SYN2: variants seen among roughly 807,000 people sequenced by gnomAD.
SYN2 encodes the protein synapsin II, also known as synapsin-2.
SYN2 carries 19 observed loss-of-function variants against 50.9 expected under a neutral mutation model. The observed-to-expected ratio is 0.37, with a 90% CI of 0.26 to 0.55. The LOEUF (loss-of-function observed/expected upper bound fraction) is 0.55, where lower values mean the gene tolerates loss of function less well. Ranked by LOEUF, SYN2 falls within the 20% of genes least tolerant of loss-of-function variation. The probability of loss-of-function intolerance (pLI) is 0.81; values close to 1 mark genes in which losing one functional copy is unlikely to be tolerated. For missense variants in SYN2, 587 were observed against 576.4 expected (o/e 1.02, Z -0.19); for synonymous variants, 255 against 224.9 (o/e 1.13, Z -1.20).
At chr3:12,016,880 G>A (rs1033383934) in intron 1 of SYN2, among the ~76,000 whole-genome samples, 1 of 152,046 alleles carries the variant, frequency 6.6e-6, no homozygotes, top group African/African-American at 2.4e-5. Flanking sequence ...ATGGATATAG[G>A]CTAAATCATC....
Position 12,004,501 on chromosome 3 carries a change from T to C in SYN2, c.-51T>C. The C allele has an allele frequency of 4.3e-6, 2 of 465,692 alleles. No individual in the cohort carries two copies. The highest frequency in any genetic ancestry group is 2.1e-5 in the African/African-American group (1 of 47,370). 28.8% of individuals were successfully genotyped at this position (465,692 alleles called of 1,614,324 possible). ...TCTCGCCTTCCGCCCTCGCTCTCCCTCCGCGCCACCAGACCCCGTAGCCCC... is the reference window on the plus strand; with the variant it reads ...TCTCGCCTTCCGCCCTCGCTCTCCCCCCGCGCCACCAGACCCCGTAGCCCC... On this transcript the variant is annotated 5_prime_UTR_variant, in exon 1 of 13. Transcript: ENST00000621198.
intron 10 of SYN2, among the ~76,000 whole-genome samples, chr3:12,172,226 A>C (rs1242878659): frequency 2.0e-5 from 3 of 152,194 alleles, no homozygotes; most frequent in African/African-American, 7.2e-5. Flanking sequence ...CTCACCTATA[A>C]AATGGAGTTG....
At chr3:12,069,176 T>G (rs1334693973) in intron 1 of SYN2, among the ~76,000 whole-genome samples, 3 of 152,246 alleles carry the variant, frequency 2.0e-5, no homozygotes, top group Non-Finnish European at 4.4e-5. Flanking sequence ...GATGGACATT[T>G]GGGTTGTTTC....
chr3:12,021,611 C>T (rs1321279484), intron 1 of SYN2, among the ~76,000 whole-genome samples: 2 of 151,802 alleles, frequency 1.3e-5, no homozygotes, highest in Non-Finnish European at 2.9e-5. Flanking sequence ...AAATGTGAAA[C>T]GTCAGTTCTT....
At chr3:12,173,586 G>A (rs781353580) in intron 10 of SYN2, among the ~76,000 whole-genome samples, 4 of 152,026 alleles carry the variant, frequency 2.6e-5, no homozygotes, top group African/African-American at 7.2e-5. Context: ...TCAGCATCCC[G>A]CTCCAACCAT....
At chr3:12,059,722 T>C (rs1695073481) in intron 1 of SYN2, among the ~76,000 whole-genome samples, 1 of 152,156 alleles carries the variant, frequency 6.6e-6, no homozygotes, top group South Asian at 2.1e-4. Context: ...GTTGCTTATT[T>C]ACTTCTCAGG....
intron 1 of SYN2, among the ~76,000 whole-genome samples, chr3:12,098,856 C>CATATATATATATATATATATAT (rs35420190): frequency 4.4e-4 from 59 of 133,602 alleles, no homozygotes; most frequent in East Asian, 1.4e-3. Flanking sequence ...AAAGCAAAAG[C>CATATATATATATATATATATAT]ATATATATAT....
chr3:12,130,771 G>A (rs770355253), intron 1 of SYN2, among the ~76,000 whole-genome samples: 13 of 152,186 alleles, frequency 8.5e-5, no homozygotes, highest in Non-Finnish European at 1.6e-4. Context: ...TGCACTATCA[G>A]GGGGCTTCTG....
intron 1 of SYN2, chr3:12,071,396 C>T (rs1695352477): frequency 1.8e-6 from 1 of 547,740 alleles, no homozygotes. Flanking sequence ...GCATTTGCTG[C>T]ATGGGTTAAT....
At chr3:12,086,467 A>G (rs148693739) in intron 1 of SYN2, among the ~76,000 whole-genome samples, 4 of 152,298 alleles carry the variant, frequency 2.6e-5, no homozygotes, top group African/African-American at 4.8e-5. Flanking sequence ...AAAATCCTCA[A>G]CAAAATACTA....
chr3:12,036,324 G>T (rs189324820), intron 1 of SYN2, among the ~76,000 whole-genome samples: 1 of 152,098 alleles, frequency 6.6e-6, no homozygotes, highest in Non-Finnish European at 1.5e-5. Flanking sequence ...CTCTGCGTTG[G>T]CCCCCAGGAC....
At chr3:12,036,431 C>T (rs1574901235) in intron 1 of SYN2, among the ~76,000 whole-genome samples, 1 of 152,156 alleles carries the variant, frequency 6.6e-6, no homozygotes, top group African/African-American at 2.4e-5. Flanking sequence ...TGGATACCAC[C>T]AAGGTTTACC....
At chr3:12,099,863 GC>G (rs1487487840) in intron 1 of SYN2, among the ~76,000 whole-genome samples, 1 of 150,600 alleles carries the variant, frequency 6.6e-6, no homozygotes, top group African/African-American at 2.4e-5. Flanking sequence ...TACTTGGGAG[GC>G]TGAGGCAGGA....
chr3:12,123,758 C>A (rs566912447), intron 1 of SYN2, among the ~76,000 whole-genome samples: 3 of 152,186 alleles, frequency 2.0e-5, no homozygotes, highest in Non-Finnish European at 2.9e-5. Flanking sequence ...TGCCTGTAAT[C>A]CCAGCACTTT....
intron 5 of SYN2, 122 bp from the exon 6 acceptor site, chr3:12,161,424 A>G (rs1697645625): frequency 9.3e-7 from 1 of 1,074,506 alleles, no homozygotes; most frequent in East Asian, 2.6e-5. Context: ...TCTGTAAAGC[A>G]AGTAGATTGG....
chr3:12,004,937 C>A lies in SYN2; in HGVS notation c.377+9C>A. On this transcript the variant is annotated intron_variant, in intron 1 of 12. Coordinates refer to ENST00000621198, the MANE Select transcript of SYN2 (RefSeq NM_133625.6). The stretch of plus-strand genomic sequence containing the variant: ...GAGCCGCACGCCGACTGGTAGGTGC[C>A]GGGCGCCGCCGCCCTCGGGGGTCGG... 1.9e-6 allele frequency: 1 copy of A among 532,262 alleles called. No homozygotes were observed. Among genetic ancestry groups the A allele is most frequent in the Non-Finnish European group, 3.3e-6 (1 of 303,022 alleles). 33.0% of individuals were successfully genotyped at this position (532,262 alleles called of 1,614,324 possible). A position where few individuals can be genotyped will look rare whatever the true frequency, so the allele number is the denominator to read the frequency against.
At chr3:12,119,937 C>T (rs1696516378) in intron 1 of SYN2, among the ~76,000 whole-genome samples, 1 of 152,018 alleles carries the variant, frequency 6.6e-6, no homozygotes, top group African/African-American at 2.4e-5. Context: ...AATCATAGAC[C>T]CCTGAAGCTA....
chr3:12,041,250 C>T (rs1694604247), intron 1 of SYN2, among the ~76,000 whole-genome samples: 1 of 152,132 alleles, frequency 6.6e-6, no homozygotes, highest in Non-Finnish European at 1.5e-5. Flanking sequence ...AAGAGCTGTC[C>T]AAGGAGCTGA....
chr3:12,088,420 G>C (rs9820009), intron 1 of SYN2, among the ~76,000 whole-genome samples: 12,482 of 152,122 alleles, frequency 0.082, 909 homozygotes, highest in East Asian at 0.19. Flanking sequence ...AGTATTGGGG[G>C]GGTTGTGAAG....
Sources: gnomAD v4.1 joint callset for allele counts (sites outside exome capture counted in the v4.1 genomes callset) on GRCh38, gnomAD v4.1.1 for gene constraint, MANE v1.5 for transcripts, NCBI Gene and HGNC (gene_info 2026-07-23, HGNC 2026-07-21) for gene names.